SIMC1: variants seen among roughly 807,000 people sequenced by gnomAD.
SIMC1 encodes the protein SUMO-interacting motif-containing protein 1.
SIMC1 carries 55 observed loss-of-function variants against 82.3 expected under a neutral mutation model. That is an observed-to-expected ratio of 0.67 (90% CI 0.54 to 0.84). The LOEUF is 0.84. Among genes scored for constraint, SIMC1 ranks in the 40% least tolerant of loss-of-function variants. The probability of loss-of-function intolerance (pLI) is 0.00; values close to 1 mark genes in which losing one functional copy is unlikely to be tolerated. For synonymous variants in SIMC1, 353 were observed against 426.3 expected, an observed-to-expected ratio of 0.83 and a Z score of 2.12; for missense variants, 915 against 1,107.2, an observed-to-expected ratio of 0.83 and a Z score of 2.46.
chr5:176,287,496 G>A (rs370398548), intron 1 of SIMC1, among the ~76,000 whole-genome samples: 7 of 152,096 alleles, frequency 4.6e-5, no homozygotes, highest in African/African-American at 1.2e-4. Flanking sequence ...GGGTGGCTAC[G>A]GGAGGGATAG....
At chr5:176,253,202 C>T (rs1319524479) in intron 1 of SIMC1, among the ~76,000 whole-genome samples, 1 of 152,148 alleles carries the variant, frequency 6.6e-6, no homozygotes, top group Admixed American at 6.5e-5. Context: ...GGCCCCCACT[C>T]TCTTCTGGTT....
chr5:176,285,417 G>T (rs370393565), intron 1 of SIMC1, among the ~76,000 whole-genome samples: 9 of 152,100 alleles, frequency 5.9e-5, no homozygotes, highest in African/African-American at 2.2e-4. Flanking sequence ...TGCAGAAAAG[G>T]CCTTTGACAA....
chr5:176,329,288 G>A (rs1027179560), intron 7 of SIMC1, among the ~76,000 whole-genome samples: 2 of 152,028 alleles, frequency 1.3e-5, no homozygotes, highest in East Asian at 1.9e-4. Context: ...TGGCTAACAC[G>A]GTGAAACCCC....
chr5:176,246,642 G>A (rs1429972325), intron 1 of SIMC1, among the ~76,000 whole-genome samples: 1 of 151,632 alleles, frequency 6.6e-6, no homozygotes, highest in Non-Finnish European at 1.5e-5. Context: ...TTAAGTTCTG[G>A]GATACATGTG....
chr5:176,341,000 A>T (rs1306958230), intron 9 of SIMC1, among the ~76,000 whole-genome samples: 1 of 152,146 alleles, frequency 6.6e-6, no homozygotes, highest in African/African-American at 2.4e-5. Context: ...TACAAAAATT[A>T]GCCAGGCGTG....
intron 1 of SIMC1, among the ~76,000 whole-genome samples, chr5:176,262,594 C>T (rs1442187378): frequency 6.6e-6 from 1 of 152,156 alleles, no homozygotes; most frequent in Non-Finnish European, 1.5e-5. Flanking sequence ...TACTTGTGGC[C>T]AGGAGTTCGA....
intron 4 of SIMC1, 92 bp downstream of exon 4, chr5:176,296,412 C>T (rs1219900384): frequency 1.9e-6 from 3 of 1,598,474 alleles, no homozygotes; most frequent in Non-Finnish European, 2.6e-6. Context: ...ACCTGTAATC[C>T]CAGCATTTTG....
chr5:176,302,665 CA>C (rs368613925), intron 4 of SIMC1, among the ~76,000 whole-genome samples: 179 of 144,770 alleles, frequency 1.2e-3, no homozygotes, highest in African/African-American at 4.1e-3. Flanking sequence ...AAAATTCCAC[CA>C]AAAAAAAAAC....
intron 4 of SIMC1, chr5:176,312,931 T>C (rs979228585): frequency 2.0e-5 from 3 of 152,794 alleles, no homozygotes; most frequent in African/African-American, 7.2e-5. Context: ...CTGTCTTTGG[T>C]AAGGTTAGAA....
chr5:176,312,593 A>AG (rs1261184396), intron 4 of SIMC1, among the ~76,000 whole-genome samples: 1 of 151,194 alleles, frequency 6.6e-6, no homozygotes, highest in African/African-American at 2.4e-5. Context: ...TTAAAAAAGC[A>AG]TTTGCATCAG....
chr5:176,294,998 C>T (rs369349173), intron 2 of SIMC1, 32 bp from the exon 3 acceptor site: 2 of 1,571,826 alleles, frequency 1.3e-6, no homozygotes, highest in African/African-American at 1.4e-5. Context: ...AAAAGAAATC[C>T]CTCCTAATTT....
intron 4 of SIMC1, chr5:176,313,194 G>GTGGA: frequency 1.0e-6 from 1 of 955,028 alleles, no homozygotes; most frequent in Non-Finnish European, 1.4e-6. Context: ...CATCAGTAGA[G>GTGGA]TGGACATCAT....
At chr5:176,332,342 G>C (rs1398993273) in intron 7 of SIMC1, among the ~76,000 whole-genome samples, 1 of 152,128 alleles carries the variant, frequency 6.6e-6, no homozygotes, top group Non-Finnish European at 1.5e-5. Flanking sequence ...CTAGACTGGA[G>C]TGCAATGGCA....
At chr5:176,335,438 G>A (rs1486355116) in intron 7 of SIMC1, among the ~76,000 whole-genome samples, 1 of 151,420 alleles carries the variant, frequency 6.6e-6, no homozygotes, top group East Asian at 2.0e-4. Flanking sequence ...CACCACGCCT[G>A]GCTAATTTTT....
intron 1 of SIMC1, among the ~76,000 whole-genome samples, chr5:176,283,500 G>T (rs1763112165): frequency 6.6e-6 from 1 of 152,190 alleles, no homozygotes. Flanking sequence ...CACCAGGCCT[G>T]CCCTACAAGA....
intron 1 of SIMC1, among the ~76,000 whole-genome samples, chr5:176,246,400 G>A (rs1008130414): frequency 6.8e-6 from 1 of 147,566 alleles, no homozygotes; most frequent in Non-Finnish European, 1.5e-5. Flanking sequence ...TTGTATAATA[G>A]TTCAGGGGTG....
rs1174379790 is a variant in SIMC1, at chr5:176,263,411, C to T, written c.129+24774C>T. ...AAAGAGGTTTATTTGGCTCATAATT[C>T]TGCAGGCTGAACAAGAAGCATGGCA... On this transcript the variant is annotated intron_variant, in intron 1 of 9. Transcript: ENST00000429602. The T allele has an allele frequency of 1.0e-5, 16 of 1,536,214 alleles. No individual in the cohort carries two copies. In the Admixed American group the frequency reaches 2.8e-4, roughly 27 times the overall value.
chr5:176,270,482 TC>T (rs1458404039), intron 1 of SIMC1: 3 of 152,046 alleles, frequency 2.0e-5, no homozygotes, highest in Non-Finnish European at 4.4e-5. Flanking sequence ...TGAACAACTA[TC>T]CACACAAGAA....
Position 176,313,811 on chromosome 5 carries a change from G to A in SIMC1, c.1855G>A (p.Val619Met), listed in dbSNP as rs143105269. The change falls in exon 5 of 10, where the codon GTG becomes ATG. Residue 619 changes from valine (V) to methionine (M), a missense_variant. By Grantham distance (21) the Val-to-Met change is conservative. Coordinates refer to ENST00000429602, the MANE Select transcript of SIMC1 (RefSeq NM_001308195.2). ...CCTGCAGCAATCCATTGCAAACATG[G>A]TGCTTTCCTGTGACAAGCAGCCCCA... The part of the protein sequence containing the change: ...QHLQQSIANM[V>M]LSCDKQPHNV... The A allele has an allele frequency of 6.4e-4, 1,035 of 1,613,806 alleles. 1 individual carries two copies. The highest frequency in any genetic ancestry group is 8.5e-4 in the Non-Finnish European group (1,003 of 1,179,874).
Sources: allele counts gnomAD v4.1 joint callset (sites outside exome capture counted in the v4.1 genomes callset), GRCh38; gene constraint gnomAD v4.1.1; transcripts MANE v1.5; gene names NCBI Gene and HGNC (gene_info 2026-07-23, HGNC 2026-07-21).